Variants in ATXN7L2 observed in about 807,000 individuals in gnomAD.
ATXN7L2 encodes ataxin-7-like protein 2.
In ATXN7L2, 17 loss-of-function variants were observed where a neutral mutation model predicts 59.6. The observed-to-expected ratio is 0.29, with a 90% CI of 0.20 to 0.43. ATXN7L2 has a LOEUF of 0.43. Ranked by LOEUF, ATXN7L2 falls within the 20% of genes least tolerant of loss-of-function variation. The pLI, the probability that ATXN7L2 is intolerant of heterozygous loss-of-function variation, is 1.00. For synonymous variants in ATXN7L2, 378 were observed against 392.5 expected (o/e 0.96, Z 0.44); for missense variants, 858 against 1,008.9 (o/e 0.85, Z 2.03).
Position 109,492,639 on chromosome 1 carries a change from C to G in ATXN7L2, c.*39C>G. 6.2e-7 allele frequency: 1 copy of G among 1,611,514 alleles called. No individual in the cohort carries two copies. Among genetic ancestry groups the G allele is most frequent in the South Asian group, 1.1e-5 (1 of 90,870 alleles). On this transcript the variant is annotated 3_prime_UTR_variant, in exon 11 of 11. Coordinates refer to ENST00000683729, the MANE Select transcript of ATXN7L2 (RefSeq NM_001350175.2). ...GCCCACTGCAACGGAGCCGCCAGCA[C>G]CTCCTCCCCTCCAGATCCGGGCCCC...
In ATXN7L2 at chr1:109,486,575, A is replaced by T; in HGVS notation, c.263A>T (p.Gln88Leu). Residue 88 changes from glutamine (Q) to leucine (L), a missense_variant, in exon 3 of 11, where the codon CAA becomes CTA. Transcript: ENST00000683729. This position sits in a 1 kb window ranked among gnomAD's most constrained non-coding sequence, Gnocchi z 4.3. ...TTGGTTGTGTGTAACCACTGCAGCC[A>T]AGTGGTGAAGCCTCAAGCTTTCCAG... ...FYLVVCNHCS[Q>L]VVKPQAFQKH... 1 of 1,614,148 alleles carries T rather than the reference A, an allele frequency of 6.2e-7. No homozygotes were observed. The highest frequency in any genetic ancestry group is 8.5e-7 in the Non-Finnish European group (1 of 1,179,976).
At chr1:109,484,198 CCAAA>C (rs1656400776) in intron 1 of ATXN7L2, 118 bp downstream of exon 1, 2 of 1,115,796 alleles carry the variant, frequency 1.8e-6, no homozygotes, top group Non-Finnish European at 2.3e-6. Context: ...CCCCGGCCCC[CCAAA>C]CAAAGGACCC....
At chr1:109,489,563 A>C (rs1238923886) in intron 7 of ATXN7L2, 4 of 354,820 alleles carry the variant, frequency 1.1e-5, no homozygotes, top group Non-Finnish European at 2.1e-5. Flanking sequence ...GCTCACAGAC[A>C]GGCTCACAGG....
chr1:109,486,730 G>T lies in ATXN7L2; in HGVS notation c.298+120G>T, dbSNP rs1656607501. ...GGAGGGTGGTGTTGAGGATAGGAAG[G>T]TTGTGGGGGTGGCTTCAGAGCATTG... On this transcript the variant is annotated intron_variant, in intron 3 of 10. Coordinates refer to ENST00000683729, the MANE Select transcript of ATXN7L2 (RefSeq NM_001350175.2). The surrounding 1 kb of genome is among the most constrained non-coding windows in gnomAD (Gnocchi z 4.3). 4 of 885,546 alleles carry T rather than the reference G, an allele frequency of 4.5e-6. No individual in the cohort carries two copies. Among genetic ancestry groups the T allele is most frequent in the Non-Finnish European group, 5.2e-6 (3 of 578,198 alleles). The allele number at this position is 885,546 out of a possible 1,614,324, so 54.9% of individuals were successfully genotyped here. A position where few individuals can be genotyped will look rare whatever the true frequency, so the allele number is the denominator to read the frequency against.
intron 9 of ATXN7L2, 135 bp from the exon 10 acceptor site, chr1:109,490,787 C>A: frequency 9.7e-7 from 1 of 1,035,112 alleles, no homozygotes; most frequent in Non-Finnish European, 1.4e-6. Flanking sequence ...GTTCCAGCAT[C>A]TCCCAGCAGA....
chr1:109,492,228 T>C, intron 10 of ATXN7L2: 1 of 585,768 alleles, frequency 1.7e-6, no homozygotes, highest in Non-Finnish European at 2.3e-6. Flanking sequence ...AGGCAAGTTC[T>C]CCAGGGTTTC....
At position 109,488,931 on chromosome 1, in the gene ATXN7L2, C is replaced by A. The variant is rs146370673; in HGVS notation, c.964C>A (p.Arg322Ser). Residue 322 changes from arginine to serine, a missense_variant, in exon 7 of 11, where the codon CGC (arginine) becomes AGC (serine). By Grantham distance (110) the Arg-to-Ser change is moderately radical (BLOSUM62 -1). This residue lies in a region of ATXN7L2 where 734 missense variants were observed against 862.3 expected (regional missense o/e 0.85). Coordinates refer to ENST00000683729, the MANE Select transcript of ATXN7L2 (RefSeq NM_001350175.2). The surrounding 1 kb of genome is among the most constrained non-coding windows in gnomAD (Gnocchi z 5.0). ...VLVAELKANS[R>S]KGESPKEKSP... ...GGTGGCAGAGCTGAAGGCCAACTCC[C>A]GCAAAGGGGAGTCTCCCAAGGAGAA... 1 of 1,614,136 alleles carries A rather than the reference C, an allele frequency of 6.2e-7. No individual in the cohort carries two copies. Among genetic ancestry groups the A allele is most frequent in the Non-Finnish European group, 8.5e-7 (1 of 1,180,032 alleles).
rs770911164 is a variant in ATXN7L2, at chr1:109,486,169, C to T, written c.193+47C>T. On this transcript the variant is annotated intron_variant, in intron 2 of 10. Coordinates refer to ENST00000683729, the MANE Select transcript of ATXN7L2 (RefSeq NM_001350175.2). The surrounding 1 kb of genome is among the most constrained non-coding windows in gnomAD (Gnocchi z 4.3). Reference sequence around the variant, plus strand: ...GGCTGGGACCCAGGGCAGACAGGACCACGCTCCACTTTTCCACCACACTAC... The same window carrying T: ...GGCTGGGACCCAGGGCAGACAGGACTACGCTCCACTTTTCCACCACACTAC... The T allele has an allele frequency of 1.4e-5, 21 of 1,514,644 alleles. No individual in the cohort carries two copies. Among genetic ancestry groups the T allele is most frequent in the Non-Finnish European group, 1.8e-5 (20 of 1,133,700 alleles). 93.8% of individuals were successfully genotyped at this position (1,514,644 alleles called of 1,614,324 possible).
At chr1:109,489,161 G>A (rs369719228) in intron 7 of ATXN7L2, 61 bp downstream of exon 7, 4 of 1,557,876 alleles carry the variant, frequency 2.6e-6, no homozygotes, top group Non-Finnish European at 3.5e-6. Context: ...GCCATCAGGG[G>A]CCCCTGGAAA....
At chr1:109,484,277 G>C (rs1269864625) in intron 1 of ATXN7L2, among the ~76,000 whole-genome samples, 197 bp downstream of exon 1, 1 of 151,844 alleles carries the variant, frequency 6.6e-6, no homozygotes, top group African/African-American at 2.4e-5. Flanking sequence ...CCTGCTCACC[G>C]CTCGCAGCCC....
At chr1:109,485,768 G>A in intron 1 of ATXN7L2, 2 of 1,102,836 alleles carry the variant, frequency 1.8e-6, no homozygotes, top group Non-Finnish European at 2.2e-6. Context: ...GGTCCCATAA[G>A]AAAGGTGGAT....
In ATXN7L2 at chr1:109,490,295, G is replaced by C; in HGVS notation, c.1357G>C (p.Val453Leu). 2 of 1,613,888 alleles carry C rather than the reference G, an allele frequency of 1.2e-6. No individual in the cohort carries two copies. Among genetic ancestry groups the C allele is most frequent in the Non-Finnish European group, 1.7e-6 (2 of 1,180,024 alleles). ...GTTCTGCACCTTTGGGAGCCGGCTG[G>C]TGAGCCCAGGATGCTATGTGTTTAG... is the stretch of plus-strand genomic sequence containing the variant. ...QAFCTFGSRLVSPGCYVFSRR... is the reference protein window; with the variant it reads ...QAFCTFGSRLLSPGCYVFSRR... Residue 453 changes from valine (V) to leucine (L), a missense_variant, in exon 9 of 11, where the codon GTG becomes CTG. Transcript: ENST00000683729.
At position 109,487,756 on chromosome 1, in the gene ATXN7L2, G is replaced by A; in HGVS notation, c.748G>A (p.Glu250Lys). 6.2e-7 allele frequency: 1 copy of A among 1,611,762 alleles called. No homozygotes were observed. Among genetic ancestry groups the A allele is most frequent in the Non-Finnish European group, 8.5e-7 (1 of 1,179,030 alleles). Residue 250 changes from glutamate to lysine, a missense_variant, in exon 5 of 11, where the codon GAG (glutamate) becomes AAG (lysine). Physicochemically the swap from Glu to Lys is moderately conservative, Grantham distance 56. This residue lies in a region of ATXN7L2 where 734 missense variants were observed against 862.3 expected (regional missense o/e 0.85). Transcript: ENST00000683729. Reference sequence around the variant, plus strand: ...GGCTGAAGGCAGCCCTCCTGAAAAGGAGCCCAGTGGGACCAGGCTGCCCCC... The same window carrying A: ...GGCTGAAGGCAGCCCTCCTGAAAAGAAGCCCAGTGGGACCAGGCTGCCCCC... ...HWAEGSPPEK[E>K]PSGTRLPPKT...
chr1:109,487,985 T>A (rs1339870630), intron 5 of ATXN7L2, among the ~76,000 whole-genome samples, 181 bp downstream of exon 5: 1 of 152,150 alleles, frequency 6.6e-6, no homozygotes, highest in Non-Finnish European at 1.5e-5. Context: ...CTCCATCCTG[T>A]GTCTCCTGAT....
Position 109,490,863 on chromosome 1 carries a change from T to C in ATXN7L2, c.1455-59T>C, listed in dbSNP as rs1483557135. 4.0e-6 allele frequency: 6 copies of C among 1,505,720 alleles called. No homozygotes were observed. The Admixed American group carries it at 6.6e-5, about 17-fold the overall frequency. The allele number at this position is 1,505,720 out of a possible 1,614,324, so 93.3% of individuals were successfully genotyped here. ...GGCAGAGAGACTGGAGTGTGTCTTG[T>C]GTTGGGGGAAGCTGTCTTGTTTCTT... On this transcript the variant is annotated intron_variant, in intron 9 of 10. Transcript: ENST00000683729.
rs2101025157 is a variant in ATXN7L2, at chr1:109,486,700, G to A, written c.298+90G>A. On this transcript the variant is annotated intron_variant, in intron 3 of 10. Coordinates refer to ENST00000683729, the MANE Select transcript of ATXN7L2 (RefSeq NM_001350175.2). The surrounding 1 kb of genome is among the most constrained non-coding windows in gnomAD (Gnocchi z 4.3). Reference sequence around the variant, plus strand: ...AGGGTCAGTTGGGAGGTCTCGTAGGGTAATGGAGGGTGGTGTTGAGGATAG... The same window carrying A: ...AGGGTCAGTTGGGAGGTCTCGTAGGATAATGGAGGGTGGTGTTGAGGATAG... The A allele has an allele frequency of 2.7e-6, 3 of 1,110,170 alleles. No individual in the cohort carries two copies. The highest frequency in any genetic ancestry group is 5.0e-5 in the East Asian group (2 of 40,014). 68.8% of individuals were successfully genotyped at this position (1,110,170 alleles called of 1,614,324 possible). A position where few individuals can be genotyped will look rare whatever the true frequency, so the allele number is the denominator to read the frequency against.
At chr1:109,484,187 T>TCCCCGGCC (rs1656398455) in intron 1 of ATXN7L2, 107 bp downstream of exon 1, 4 of 1,132,730 alleles carry the variant, frequency 3.5e-6, no homozygotes, top group Admixed American at 4.5e-5. Context: ...GCCGTCCGGC[T>TCCCCGGCC]CCCCGGCCCC....
In ATXN7L2 at chr1:109,491,851, C is replaced by A; in HGVS notation, c.2250+134C>A. The A allele has an allele frequency of 7.8e-7, 1 of 1,277,580 alleles. No individual in the cohort carries two copies. The highest frequency in any genetic ancestry group is 1.6e-5 in the South Asian group (1 of 62,168). 79.1% of individuals were successfully genotyped at this position (1,277,580 alleles called of 1,614,324 possible). A position where few individuals can be genotyped will look rare whatever the true frequency, so the allele number is the denominator to read the frequency against. On this transcript the variant is annotated intron_variant, in intron 10 of 10. Transcript: ENST00000683729. The surrounding 1 kb of genome is among the most constrained non-coding windows in gnomAD (Gnocchi z 4.1). The stretch of plus-strand genomic sequence containing the variant: ...GTTGAGAGAGTTCCTGGACTGTTTT[C>A]TTTAGGAAGAGGTAGGTCAGTTCTT...
rs375624192 is a variant in ATXN7L2 at position 109,492,571 on chromosome 1, C to G, written c.2251-15C>G. On this transcript the variant is annotated splice_polypyrimidine_tract_variant and intron_variant, in intron 10 of 10. Coordinates refer to ENST00000683729, the MANE Select transcript of ATXN7L2 (RefSeq NM_001350175.2). ...CCCACCCTGACCCTTTCTCTCGCCT[C>G]TTGTCTTCCTGCAGTCAAAAGCCCA... 90 of 1,613,822 alleles carry G rather than the reference C, an allele frequency of 5.6e-5. No individual in the cohort carries two copies. The highest frequency in any genetic ancestry group is 2.9e-5 in the Non-Finnish European group (34 of 1,179,976).
Sources: gnomAD v4.1 joint callset for allele counts (sites outside exome capture counted in the v4.1 genomes callset) on GRCh38, gnomAD v4.1.1 for gene constraint, gnomAD v4.1.1 regional missense constraint, Gnocchi (gnomAD v3.1) non-coding constraint, MANE v1.5 for transcripts, NCBI Gene and HGNC (gene_info 2026-07-23, HGNC 2026-07-21) for gene names.